DOK6: variants seen among roughly 807,000 people sequenced by gnomAD.
DOK6 encodes the protein downstream of tyrosine kinase 6.
Under a neutral mutation model 44.0 loss-of-function variants are expected in DOK6, and 22 were observed. The ratio of observed to expected loss-of-function variants is 0.50; its 90% CI spans 0.36 to 0.71. The LOEUF (loss-of-function observed/expected upper bound fraction) is 0.71, where lower values mean the gene tolerates loss of function less well. DOK6 is among the 30% of genes least tolerant of loss of function. The pLI is 0.00. For missense variants in DOK6, 340 were observed against 416.4 expected, an observed-to-expected ratio of 0.82 and a Z score of 1.60; for synonymous variants, 166 against 145.5, an observed-to-expected ratio of 1.14 and a Z score of -1.01.
At chr18:69,646,559 C>T (rs1317130096) in intron 3 of DOK6, among the ~76,000 whole-genome samples, 5 of 152,152 alleles carry the variant, frequency 3.3e-5, no homozygotes, top group Admixed American at 1.3e-4. Context: ...TTGAGGGGCT[C>T]GCTGGGTTTA....
chr18:69,672,998 T>A lies in DOK6; in HGVS notation c.290-4736T>A, dbSNP rs540869830. On this transcript the variant is annotated intron_variant, in intron 3 of 7. Coordinates refer to ENST00000382713, the MANE Select transcript of DOK6 (RefSeq NM_152721.6). Reference sequence around the variant, plus strand: ...AGCAAATCTGCACAGAACATAAGAATTAGATAGAATTAAGAATTTCTGCTT... The same window carrying A: ...AGCAAATCTGCACAGAACATAAGAAATAGATAGAATTAAGAATTTCTGCTT... Among the ~76,000 whole-genome samples the A allele has an allele frequency of 7.0e-4, 107 of 152,118 alleles. 1 individual carries two copies. The highest frequency in any genetic ancestry group is 1.4e-3 in the Non-Finnish European group (93 of 68,016).
At position 69,604,690 on chromosome 18, in the gene DOK6, C is replaced by A. The variant is rs142751732; in HGVS notation, c.289+5192C>A. Among the ~76,000 whole-genome samples, 460 of 152,062 alleles carry A rather than the reference C, an allele frequency of 3.0e-3. 5 individuals are homozygous for A. The highest frequency in any genetic ancestry group is 0.011 in the African/African-American group (439 of 41,482). On this transcript the variant is annotated intron_variant, in intron 3 of 7. Coordinates refer to ENST00000382713, the MANE Select transcript of DOK6 (RefSeq NM_152721.6). Reference sequence around the variant, plus strand: ...TCGGGATAAAAAAGAACTTGAAAATCATAATCAAGAAATTTTATTACTTTG... The same window carrying A: ...TCGGGATAAAAAAGAACTTGAAAATAATAATCAAGAAATTTTATTACTTTG...
intron 1 of DOK6, among the ~76,000 whole-genome samples, chr18:69,484,458 GTTTTGTA>G (rs950974294): frequency 7.9e-5 from 12 of 152,168 alleles, no homozygotes; most frequent in African/African-American, 2.6e-4. Flanking sequence ...ACGTTTTCGA[GTTTTGTA>G]TTTTGTATTT....
chr18:69,474,158 G>GCCTTCTTT (rs774775048), intron 1 of DOK6, among the ~76,000 whole-genome samples: 1 of 151,938 alleles, frequency 6.6e-6, no homozygotes, highest in South Asian at 2.1e-4. Flanking sequence ...GTGAGGGGGG[G>GCCTTCTTT]CCTTCTTTCC....
chr18:69,758,276 G>C lies in DOK6; in HGVS notation c.856+403G>C, dbSNP rs541607585. Among the ~76,000 whole-genome samples the C allele has an allele frequency of 3.9e-5, 6 of 152,212 alleles. No homozygotes were observed. In the South Asian group the frequency reaches 1.2e-3, roughly 32 times the overall value. On this transcript the variant is annotated intron_variant, in intron 7 of 7. Transcript: ENST00000382713. ...CAGGAGGCTGACTTCAGGCTTTAAG[G>C]CTCTGCCATAAACTGGTATATAAAC...
At chr18:69,535,833 A>G (rs776725553) in intron 1 of DOK6, among the ~76,000 whole-genome samples, 7 of 152,084 alleles carry the variant, frequency 4.6e-5, no homozygotes, top group Admixed American at 2.0e-4. Flanking sequence ...GTCACAGGAG[A>G]TGTTATGCAA....
At chr18:69,427,489 C>T (rs1030692163) in intron 1 of DOK6, among the ~76,000 whole-genome samples, 2 of 152,106 alleles carry the variant, frequency 1.3e-5, no homozygotes, top group Admixed American at 6.5e-5. Flanking sequence ...GAAAAAGGAA[C>T]GCTTATACAC....
At chr18:69,762,317 G>A (rs1272329103) in intron 7 of DOK6, among the ~76,000 whole-genome samples, 3 of 152,092 alleles carry the variant, frequency 2.0e-5, no homozygotes, top group Non-Finnish European at 4.4e-5. Context: ...CTGTAGCCTG[G>A]GCTAAACAGT....
At chr18:69,670,509 AATT>A in intron 3 of DOK6, among the ~76,000 whole-genome samples, 1 of 89,970 alleles carries the variant, frequency 1.1e-5, no homozygotes, top group East Asian at 3.9e-4. Context: ...CTTGTGCATC[AATT>A]TTTTTTTTTT....
chr18:69,713,418 A>AT (rs1377549106), intron 5 of DOK6, among the ~76,000 whole-genome samples: 2 of 152,204 alleles, frequency 1.3e-5, no homozygotes, highest in Non-Finnish European at 2.9e-5. Flanking sequence ...CTTCCTGCAT[A>AT]CCAAATCTCT....
intron 3 of DOK6, among the ~76,000 whole-genome samples, chr18:69,647,073 CATCTGTCTATCCT>C (rs1568321195): frequency 1.6e-5 from 2 of 123,024 alleles, no homozygotes; most frequent in African/African-American, 6.9e-5. Context: ...CTGTCTATCC[CATCTGTCTATCCT>C]ATCTGTCTAT....
At chr18:69,688,514 T>C (rs996528673) in intron 4 of DOK6, among the ~76,000 whole-genome samples, 10 of 152,164 alleles carry the variant, frequency 6.6e-5, no homozygotes, top group African/African-American at 2.2e-4. Context: ...CACACATATG[T>C]AGACAAATAG....
rs927685822 is a variant in DOK6, at chr18:69,733,955, A to G, written c.600-5010A>G. 5.3e-5 allele frequency among the ~76,000 whole-genome samples: 8 copies of G among 152,254 alleles called. No homozygotes were observed. In the East Asian group the frequency reaches 1.5e-3, roughly 29 times the overall value. ...TCTTATGTTACTTTTTAAAAATAATAGATATCAAAAGATATTTTCACCGGC... is the reference window on the plus strand; with the variant it reads ...TCTTATGTTACTTTTTAAAAATAATGGATATCAAAAGATATTTTCACCGGC... On this transcript the variant is annotated intron_variant, in intron 5 of 7. Transcript: ENST00000382713.
At chr18:69,689,792 CTTAA>C (rs1279690870) in intron 4 of DOK6, among the ~76,000 whole-genome samples, 1 of 152,064 alleles carries the variant, frequency 6.6e-6, no homozygotes, top group Non-Finnish European at 1.5e-5. Flanking sequence ...TTTATTGCAT[CTTAA>C]TTTACATTAG....
chr18:69,523,795 T>C (rs982163475), intron 1 of DOK6, among the ~76,000 whole-genome samples: 9 of 151,874 alleles, frequency 5.9e-5, no homozygotes, highest in African/African-American at 2.2e-4. Flanking sequence ...GCACCAATAA[T>C]GTGTGTCATG....
At chr18:69,647,246 A>AT (rs59679365) in intron 3 of DOK6, among the ~76,000 whole-genome samples, 6 of 149,906 alleles carry the variant, frequency 4.0e-5, no homozygotes, top group South Asian at 2.1e-4. Context: ...TTCTAGTTTC[A>AT]TTTTTTTTTC....
At chr18:69,749,764 C>A (rs544574883) in intron 6 of DOK6, among the ~76,000 whole-genome samples, 1 of 151,670 alleles carries the variant, frequency 6.6e-6, no homozygotes, top group Non-Finnish European at 1.5e-5. Context: ...CATGGTGAAA[C>A]CCTGTCTCTT....
rs1287826548 is a variant in DOK6, at chr18:69,401,266, A to G, written c.22A>G (p.Ile8Val). The G allele has an allele frequency of 2.5e-6, 4 of 1,583,892 alleles. No homozygotes were observed. Among genetic ancestry groups the G allele is most frequent in the Middle Eastern group, 1.7e-4 (1 of 5,980 alleles). Residue 8 changes from isoleucine (I) to valine (V), a missense_variant, in exon 1 of 8, where the codon ATA (isoleucine) becomes GTA (valine). Ile to Val is a conservative substitution (Grantham distance 29). Coordinates refer to ENST00000382713, the MANE Select transcript of DOK6 (RefSeq NM_152721.6). ...GGCCATGGCCTCCAACTTTAACGAC[A>G]TAGTCAAGCAGGGCTACGTGAAAAT... is the stretch of plus-strand genomic sequence containing the variant. Reference protein sequence around the residue: MASNFNDIVKQGYVKIRS... With the variant: MASNFNDVVKQGYVKIRS...
intron 3 of DOK6, among the ~76,000 whole-genome samples, chr18:69,644,412 GA>G (rs1438037412): frequency 6.6e-6 from 1 of 151,964 alleles, no homozygotes; most frequent in African/African-American, 2.4e-5. Context: ...TTAAGTTTAT[GA>G]TCCATTTTGA....
Sources: allele counts gnomAD v4.1 joint callset (sites outside exome capture counted in the v4.1 genomes callset), GRCh38; gene constraint gnomAD v4.1.1; transcripts MANE v1.5; gene names NCBI Gene and HGNC (gene_info 2026-07-23, HGNC 2026-07-21).